Variants in ADCY2 observed in about 807,000 individuals in gnomAD.
ADCY2 encodes adenylate cyclase type 2.
Under a neutral mutation model 125.2 loss-of-function variants are expected in ADCY2, and 31 were observed. That is an observed-to-expected ratio of 0.25 (90% confidence interval 0.19 to 0.33). The LOEUF (loss-of-function observed/expected upper bound fraction) is 0.33, where lower values mean the gene tolerates loss of function less well. ADCY2 is among the 10% of genes least tolerant of loss of function. The pLI, the probability that ADCY2 is intolerant of heterozygous loss-of-function variation, is 1.00. For missense variants in ADCY2, 904 were observed against 1,418.2 expected, an observed-to-expected ratio of 0.64 and a Z score of 5.82; for synonymous variants, 512 against 548.4, an observed-to-expected ratio of 0.93 and a Z score of 0.93.
At chr5:7,823,397 G>A (rs1745363836) in intron 24 of ADCY2, among the ~76,000 whole-genome samples, 1 of 152,210 alleles carries the variant, frequency 6.6e-6, no homozygotes, top group African/African-American at 2.4e-5. Flanking sequence ...TCTCCCTGGG[G>A]CTGGAGCTGT....
intron 3 of ADCY2, among the ~76,000 whole-genome samples, chr5:7,620,589 T>C (rs2126652532): frequency 6.6e-6 from 1 of 152,174 alleles, no homozygotes; most frequent in Admixed American, 6.5e-5. Flanking sequence ...CTGTGAAAAA[T>C]GCTAAGGAGA....
At chr5:7,599,815 G>A (rs141533012) in intron 3 of ADCY2, among the ~76,000 whole-genome samples, 2,417 of 152,264 alleles carry the variant, frequency 0.016, 58 homozygotes, top group African/African-American at 0.055. Context: ...CAAATAGGAG[G>A]AAGGAATTAG....
In ADCY2 at chr5:7,467,042, C is replaced by T. The variant is rs139831830; in HGVS notation, c.408+52272C>T. ...TTTGAATTAGGATATTTTCAATTTA[C>T]CCTGGGCTTATCGGGATGTAACCCC... is the stretch of plus-strand genomic sequence containing the variant. On this transcript the variant is annotated intron_variant, in intron 2 of 24. Coordinates refer to ENST00000338316, the MANE Select transcript of ADCY2 (RefSeq NM_020546.3). Among the ~76,000 whole-genome samples the T allele has an allele frequency of 2.1e-3, 322 of 152,270 alleles. 3 individuals are homozygous for T. Among genetic ancestry groups the T allele is most frequent in the Admixed American group, 0.013 (194 of 15,286 alleles).
At chr5:7,506,017 T>A (rs1393647007) in intron 2 of ADCY2, among the ~76,000 whole-genome samples, 1 of 151,884 alleles carries the variant, frequency 6.6e-6, no homozygotes, top group African/African-American at 2.4e-5. Flanking sequence ...TCTGAGATGG[T>A]ACAATTCAAA....
At chr5:7,777,413 A>T (rs1743767227) in intron 18 of ADCY2, among the ~76,000 whole-genome samples, 1 of 152,236 alleles carries the variant, frequency 6.6e-6, no homozygotes, top group African/African-American at 2.4e-5. Context: ...AATGAACAAA[A>T]GCATGTCATG....
rs11319936 is a variant in ADCY2 at position 7,752,894 on chromosome 5, CTTT to C, written c.1957-4537_1957-4535del. Reference sequence around the variant, plus strand: ...TCATCAATTCTATGATAGGATTTTCCTTTTTTTTTTTTTTTTTTTTCTGAGACA... The same window carrying C: ...TCATCAATTCTATGATAGGATTTTCCTTTTTTTTTTTTTTTTTCTGAGACA... On this transcript the variant is annotated intron_variant, in intron 15 of 24. Transcript: ENST00000338316. Among the ~76,000 whole-genome samples the C allele has an allele frequency of 4.4e-3, 413 of 94,356 alleles. 2 individuals carry two copies. The highest frequency in any genetic ancestry group is 7.1e-3 in the Non-Finnish European group (329 of 46,576). The allele number at this position is 94,356 out of a possible 152,430, so 61.9% of individuals were successfully genotyped here. A position where few individuals can be genotyped will look rare whatever the true frequency, so the allele number is the denominator to read the frequency against.
intron 12 of ADCY2, among the ~76,000 whole-genome samples, chr5:7,722,425 A>C (rs2126388919): frequency 6.6e-6 from 1 of 152,296 alleles, no homozygotes; most frequent in African/African-American, 2.4e-5. Context: ...GTTTTTAGTA[A>C]GTTACCTGCA....
chr5:7,815,064 C>G (rs916288405), intron 22 of ADCY2, among the ~76,000 whole-genome samples: 2 of 152,194 alleles, frequency 1.3e-5, no homozygotes, highest in African/African-American at 4.8e-5. Flanking sequence ...CACGATCCTT[C>G]CTGGGTGCGT....
intron 2 of ADCY2, among the ~76,000 whole-genome samples, chr5:7,448,184 C>T (rs1741346091): frequency 6.6e-6 from 1 of 152,176 alleles, no homozygotes; most frequent in Non-Finnish European, 1.5e-5. Flanking sequence ...TATTGCTTCC[C>T]TCAGCTGCAG....
intron 4 of ADCY2, among the ~76,000 whole-genome samples, chr5:7,649,816 G>A (rs1220913563): frequency 1.3e-5 from 2 of 152,058 alleles, no homozygotes; most frequent in Admixed American, 6.6e-5. Flanking sequence ...GCTCTTGATG[G>A]CCTCCTAAAC....
intron 2 of ADCY2, among the ~76,000 whole-genome samples, chr5:7,425,190 G>C (rs1671225854): frequency 6.6e-6 from 1 of 152,188 alleles, no homozygotes; most frequent in African/African-American, 2.4e-5. Context: ...GTGTGAGTGG[G>C]GTCTGGGATT....
At chr5:7,622,799 C>T (rs1376054224) in intron 3 of ADCY2, among the ~76,000 whole-genome samples, 4 of 152,226 alleles carry the variant, frequency 2.6e-5, no homozygotes, top group Non-Finnish European at 5.9e-5. Flanking sequence ...GCTACACTGG[C>T]TCTGTGCACA....
intron 15 of ADCY2, among the ~76,000 whole-genome samples, chr5:7,750,033 C>G (rs1742755386): frequency 6.6e-6 from 1 of 152,184 alleles, no homozygotes; most frequent in African/African-American, 2.4e-5. Context: ...TTAGGTGTGT[C>G]TCTGGTGAAC....
At chr5:7,671,438 G>C (rs1319317915) in intron 4 of ADCY2, among the ~76,000 whole-genome samples, 2 of 152,224 alleles carry the variant, frequency 1.3e-5, no homozygotes, top group Non-Finnish European at 2.9e-5. Context: ...ATGCTCGAGT[G>C]AGCATGGGAT....
intron 4 of ADCY2, among the ~76,000 whole-genome samples, chr5:7,628,702 C>A (rs1260885128): frequency 1.3e-5 from 2 of 152,144 alleles, no homozygotes; most frequent in Non-Finnish European, 2.9e-5. Context: ...CCAGAGTCTA[C>A]TCCTAGAATG....
At chr5:7,606,381 A>G (rs763101293) in intron 3 of ADCY2, among the ~76,000 whole-genome samples, 13 of 152,240 alleles carry the variant, frequency 8.5e-5, no homozygotes, top group South Asian at 2.1e-4. Flanking sequence ...CTTATGTCCA[A>G]TGGTGATGTG....
chr5:7,595,533 T>C (rs1037475323), intron 3 of ADCY2, among the ~76,000 whole-genome samples: 1 of 152,192 alleles, frequency 6.6e-6, no homozygotes, highest in African/African-American at 2.4e-5. Flanking sequence ...CATATCTTCT[T>C]GTCGGAGAGA....
At chr5:7,782,202 A>G (rs1324956744) in intron 18 of ADCY2, 1 of 167,134 alleles carries the variant, frequency 6.0e-6, no homozygotes, top group African/African-American at 2.4e-5. Context: ...CTGCTGGTCT[A>G]GCTTCCTCCA....
chr5:7,723,652 G>A (rs555701088), intron 12 of ADCY2, among the ~76,000 whole-genome samples: 25 of 152,226 alleles, frequency 1.6e-4, no homozygotes, highest in Non-Finnish European at 3.5e-4. Flanking sequence ...GACAGGCGCG[G>A]TGGCTCACGC....
Sources: allele counts gnomAD v4.1 joint callset (sites outside exome capture counted in the v4.1 genomes callset), GRCh38; gene constraint gnomAD v4.1.1; transcripts MANE v1.5; gene names NCBI Gene and HGNC (gene_info 2026-07-23, HGNC 2026-07-21).